VGLL4: variants seen among roughly 807,000 people sequenced by gnomAD.
VGLL4 encodes the protein transcription cofactor vestigial-like protein 4.
In VGLL4, 7 loss-of-function variants were observed where a neutral mutation model predicts 21.0. The observed-to-expected ratio is 0.33, with a 90% CI of 0.19 to 0.63. The LOEUF is 0.63. Among genes scored for constraint, VGLL4 ranks in the 20% least tolerant of loss-of-function variants. The pLI is 0.78. For missense variants in VGLL4, 394 were observed against 425.7 expected (o/e 0.93, Z 0.66); for synonymous variants, 222 against 173.2 (o/e 1.28, Z -2.21).
At chr3:11,582,380 A>C in intron 2 of VGLL4, 1 of 1,561,166 alleles carries the variant, frequency 6.4e-7, no homozygotes, top group Non-Finnish European at 8.7e-7. Context: ...AGTCTCAGGC[A>C]CAAAACTGGA....
chr3:11,659,320 C>CTTTTTT, intron 2 of VGLL4, among the ~76,000 whole-genome samples: 1 of 113,754 alleles, frequency 8.8e-6, no homozygotes. Context: ...TTTTCTTTTT[C>CTTTTTT]TTTTTCTTTT....
At chr3:11,576,479 C>CT (rs913440296) in intron 2 of VGLL4, among the ~76,000 whole-genome samples, 2 of 152,158 alleles carry the variant, frequency 1.3e-5, no homozygotes, top group Non-Finnish European at 2.9e-5. Flanking sequence ...GAAAAACACT[C>CT]TATCTTTCCT....
intron 1 of VGLL4, among the ~76,000 whole-genome samples, chr3:11,615,519 G>C (rs1472414169): frequency 6.6e-6 from 1 of 152,196 alleles, no homozygotes; most frequent in African/African-American, 2.4e-5. Flanking sequence ...CCCATCACTG[G>C]GGAAGCAGAG....
intron 2 of VGLL4, among the ~76,000 whole-genome samples, chr3:11,667,564 C>T (rs2076144791): frequency 6.6e-6 from 1 of 152,194 alleles, no homozygotes; most frequent in Non-Finnish European, 1.5e-5. Context: ...TTTACCTTTA[C>T]ATAACTTCTG....
intron 1 of VGLL4, among the ~76,000 whole-genome samples, chr3:11,628,724 G>A (rs1055135783): frequency 6.6e-6 from 1 of 152,180 alleles, no homozygotes; most frequent in Admixed American, 6.5e-5. Flanking sequence ...GGAGGCTGAG[G>A]CAGAAGAATG....
At chr3:11,672,850 C>T (rs1347635689) in intron 2 of VGLL4, among the ~76,000 whole-genome samples, 2 of 152,210 alleles carry the variant, frequency 1.3e-5, no homozygotes, top group Admixed American at 1.3e-4. Flanking sequence ...TATTTATAAA[C>T]ACGTACCTAA....
intron 1 of VGLL4, among the ~76,000 whole-genome samples, chr3:11,713,568 T>TATATATA (rs2076878606): frequency 8.6e-5 from 12 of 140,294 alleles, no homozygotes; most frequent in African/African-American, 1.9e-4. Flanking sequence ...TATATATTAT[T>TATATATA]TATATATATA....
intron 1 of VGLL4, chr3:11,703,070 GA>G (rs11411195): frequency 6.4e-7 from 1 of 1,569,292 alleles, no homozygotes; most frequent in East Asian, 2.3e-5. Context: ...AATAAAAGGG[GA>G]AAAAATAATT....
intron 2 of VGLL4, among the ~76,000 whole-genome samples, chr3:11,670,726 G>A (rs1184110516): frequency 1.3e-5 from 2 of 152,066 alleles, no homozygotes; most frequent in South Asian, 4.2e-4. Flanking sequence ...GATATTAATG[G>A]GCACCTGCCA....
chr3:11,582,301 G>C (rs2074248672), intron 2 of VGLL4: 3 of 1,602,976 alleles, frequency 1.9e-6, no homozygotes, highest in African/African-American at 1.3e-5. Context: ...TTTAATCATT[G>C]CCAAAGAGCA....
chr3:11,620,645 C>T (rs955684137), intron 1 of VGLL4, among the ~76,000 whole-genome samples: 5 of 152,152 alleles, frequency 3.3e-5, no homozygotes, highest in African/African-American at 9.7e-5. Flanking sequence ...GGACTTACTT[C>T]GCGGAAAATT....
chr3:11,640,260 G>A (rs1316341764), intron 1 of VGLL4, among the ~76,000 whole-genome samples: 5 of 152,092 alleles, frequency 3.3e-5, no homozygotes, highest in Admixed American at 6.5e-5. Flanking sequence ...GGGATGCAGC[G>A]GTCACCAAGA....
intron 2 of VGLL4, chr3:11,671,392 A>G: frequency 1.1e-6 from 1 of 879,924 alleles, no homozygotes; most frequent in Non-Finnish European, 1.9e-6. Context: ...TTCCCAGGTG[A>G]CGCTGTGGGC....
At chr3:11,669,376 C>T (rs755743661) in intron 2 of VGLL4, among the ~76,000 whole-genome samples, 2 of 151,908 alleles carry the variant, frequency 1.3e-5, no homozygotes, top group Non-Finnish European at 2.9e-5. Context: ...AGTAAGACCC[C>T]GCCTCTAAAA....
intron 2 of VGLL4, among the ~76,000 whole-genome samples, chr3:11,657,225 G>A (rs1025423818): frequency 1.3e-5 from 2 of 152,076 alleles, no homozygotes; most frequent in South Asian, 2.1e-4. Context: ...CAAGGACTCC[G>A]ATCATTCCTC....
rs1386045641 is a variant in VGLL4 at position 11,557,892 on chromosome 3, GTA to G, written c.*662_*663del. 3.9e-5 allele frequency: 6 copies of G among 153,362 alleles called. No homozygotes were observed. Among genetic ancestry groups the G allele is most frequent in the African/African-American group, 1.4e-4 (6 of 41,410 alleles). The allele number at this position is 153,362 out of a possible 1,614,324, so 9.5% of individuals were successfully genotyped here. A position where few individuals can be genotyped will look rare whatever the true frequency, so the allele number is the denominator to read the frequency against. On this transcript the variant is annotated 3_prime_UTR_variant, in exon 5 of 5. Coordinates refer to ENST00000430365, the MANE Select transcript of VGLL4 (RefSeq NM_001128219.3). Reference sequence around the variant, plus strand: ...CTAGAGAGAGAAAGACCTATAACCTGTATGAGACTTCCCCTTCCAAAGCTGTA... The same window carrying G: ...CTAGAGAGAGAAAGACCTATAACCTGTGAGACTTCCCCTTCCAAAGCTGTA...
intron 2 of VGLL4, among the ~76,000 whole-genome samples, chr3:11,584,772 A>G (rs943726037): frequency 2.5e-4 from 37 of 149,772 alleles, no homozygotes; most frequent in African/African-American, 8.2e-4. Flanking sequence ...AAATGAAAAA[A>G]TGCTGACCAA....
intron 2 of VGLL4, among the ~76,000 whole-genome samples, chr3:11,686,187 G>C (rs548048664): frequency 6.6e-6 from 1 of 152,172 alleles, no homozygotes; most frequent in African/African-American, 2.4e-5. Flanking sequence ...GGTATATACC[G>C]AAAAGAACTG....
At chr3:11,559,582 C>T in intron 3 of VGLL4, 127 bp from the exon 4 acceptor site, 1 of 1,347,850 alleles carries the variant, frequency 7.4e-7, no homozygotes, top group Non-Finnish European at 9.8e-7. Flanking sequence ...CCACCTCCCA[C>T]TTCAATACTG....
Sources: allele counts gnomAD v4.1 joint callset (sites outside exome capture counted in the v4.1 genomes callset), GRCh38; gene constraint gnomAD v4.1.1; transcripts MANE v1.5; gene names NCBI Gene and HGNC (gene_info 2026-07-23, HGNC 2026-07-21).